The following CFAP57 variants were observed in gnomAD, a reference collection of about 807,000 sequenced individuals.
The protein encoded by CFAP57 is cilia and flagella associated protein 57, also known as cilia- and flagella-associated protein 57.
In CFAP57, 116 loss-of-function variants were observed where a neutral mutation model predicts 146.8. The ratio of observed to expected loss-of-function variants is 0.79; its 90% CI spans 0.68 to 0.92. The LOEUF is 0.92. Ranked by LOEUF, CFAP57 falls within the 40% of genes least tolerant of loss-of-function variation. CFAP57 has a pLI of 0.00. For missense variants in CFAP57, 1,377 were observed against 1,527.2 expected (o/e 0.90, Z 1.64); for synonymous variants, 518 against 552.8 (o/e 0.94, Z 0.88).
At chr1:43,245,326 C>CAAAA (rs66511657) in intron 22 of CFAP57, among the ~76,000 whole-genome samples, 1 of 142,168 alleles carries the variant, frequency 7.0e-6, no homozygotes, top group Non-Finnish European at 1.5e-5. Flanking sequence ...GACCCTGTCT[C>CAAAA]AAAAAAAAAA....
chr1:43,238,839 G>C lies in CFAP57; in HGVS notation c.3405+4201G>C, dbSNP rs901798097. On this transcript the variant is annotated intron_variant, in intron 21 of 22. Transcript: ENST00000372492. The surrounding 1 kb of genome is among the most constrained non-coding windows in gnomAD (Gnocchi z 4.3). ...GCTCTCTGGATGGAGGCACGACAGG[G>C]TTCAGACACCAGCTCTACCACTGAG... 6.6e-6 allele frequency among the ~76,000 whole-genome samples: 1 copy of C among 152,040 alleles called. No homozygotes were observed. The highest frequency in any genetic ancestry group is 1.5e-5 in the Non-Finnish European group (1 of 68,010).
In CFAP57 at chr1:43,250,947, C is replaced by T. The variant is rs114592631; in HGVS notation, c.3539-3030C>T. Among the ~76,000 whole-genome samples the T allele has an allele frequency of 3.1e-3, 479 of 152,332 alleles. 2 individuals are homozygous for T. The highest frequency in any genetic ancestry group is 0.011 in the African/African-American group (468 of 41,566). ...AATTGAGAGGAGCAGATGCTGCTCA[C>T]CTATCTGTGTACAGATGTCAAATTT... On this transcript the variant is annotated intron_variant, in intron 22 of 22. Coordinates refer to ENST00000372492, the MANE Select transcript of CFAP57 (RefSeq NM_001378189.1).
intron 18 of CFAP57, among the ~76,000 whole-genome samples, chr1:43,228,773 T>C (rs1645354863): frequency 6.7e-6 from 1 of 149,186 alleles, no homozygotes; most frequent in South Asian, 2.2e-4. Flanking sequence ...GGATAATTTA[T>C]GGCCAACAGA....
At position 43,213,511 on chromosome 1, in the gene CFAP57, G is replaced by T. The variant is rs949035041; in HGVS notation, c.1930-1744G>T. 1.1e-3 allele frequency among the ~76,000 whole-genome samples: 103 copies of T among 92,304 alleles called. 2 individuals are homozygous for T. The highest frequency in any genetic ancestry group is 3.0e-3 in the African/African-American group (99 of 33,478). 60.6% of individuals were successfully genotyped at this position (92,304 alleles called of 152,430 possible). ...TGGTGGTACAATAAATATGGGGGGG[G>T]CGGTGGAGCGCAGGTATCCTTTCAA... On this transcript the variant is annotated intron_variant, in intron 11 of 22. Transcript: ENST00000372492.
chr1:43,185,047 G>T, intron 4 of CFAP57, 102 bp from the exon 5 acceptor site: 2 of 1,288,744 alleles, frequency 1.6e-6, no homozygotes, highest in Non-Finnish European at 2.2e-6. Context: ...TCATTGGGTG[G>T]TTTCTGTCAC....
At chr1:43,248,511 G>A (rs1646203812) in intron 22 of CFAP57, among the ~76,000 whole-genome samples, 1 of 151,074 alleles carries the variant, frequency 6.6e-6, no homozygotes, top group Non-Finnish European at 1.5e-5. Context: ...TAGTAGAGAT[G>A]GGGTTTCACC....
intron 6 of CFAP57, among the ~76,000 whole-genome samples, chr1:43,192,770 C>CA (rs1643621450): frequency 7.1e-6 from 1 of 140,490 alleles, no homozygotes; most frequent in South Asian, 2.4e-4. Flanking sequence ...ATTAAAAATA[C>CA]AAAAAAATTA....
intron 22 of CFAP57, among the ~76,000 whole-genome samples, chr1:43,247,387 A>G (rs571582278): frequency 6.6e-6 from 1 of 152,190 alleles, no homozygotes. Context: ...CAATATCACC[A>G]TACATCCTGT....
At chr1:43,181,004 C>T (rs1039249861) in intron 2 of CFAP57, among the ~76,000 whole-genome samples, 1 of 152,082 alleles carries the variant, frequency 6.6e-6, no homozygotes. Flanking sequence ...CCCATCTCAC[C>T]TCACCCCCTG....
At chr1:43,183,098 T>C (rs1464576841) in intron 3 of CFAP57, among the ~76,000 whole-genome samples, 2 of 152,226 alleles carry the variant, frequency 1.3e-5, no homozygotes, top group Non-Finnish European at 2.9e-5. Flanking sequence ...TTTCAACTTA[T>C]GGTGTTTTCA....
intron 6 of CFAP57, among the ~76,000 whole-genome samples, chr1:43,195,899 A>G (rs1643848605): frequency 6.6e-6 from 1 of 152,214 alleles, no homozygotes; most frequent in African/African-American, 2.4e-5. Context: ...ATAAAATAAA[A>G]TTTGTCTTAT....
chr1:43,199,459 A>G lies in CFAP57; in HGVS notation c.1498A>G (p.Thr500Ala), dbSNP rs764266565. 3.1e-6 allele frequency: 5 copies of G among 1,614,154 alleles called. No homozygotes were observed. The South Asian group carries it at 4.4e-5, about 14-fold the overall frequency. The change falls in exon 9 of 23, where the codon ACG (threonine) becomes GCG (alanine). Residue 500 changes from threonine to alanine, a missense_variant. Physicochemically the swap from Thr to Ala is moderately conservative, Grantham distance 58. Coordinates refer to ENST00000372492, the MANE Select transcript of CFAP57 (RefSeq NM_001378189.1). The stretch of plus-strand genomic sequence containing the variant: ...AAATGTGATTCACGTTTACACCACC[A>G]CGAGCCTAGAGAACATCTCAAGCCT... ...NGNVIHVYTT[T>A]SLENISSLKG...
At chr1:43,214,335 GTTGA>G (rs1483743791) in intron 11 of CFAP57, among the ~76,000 whole-genome samples, 2 of 152,216 alleles carry the variant, frequency 1.3e-5, no homozygotes. Flanking sequence ...TCTTCAGTCT[GTTGA>G]TTGTTTCCTT....
intron 17 of CFAP57, 51 bp from the exon 18 acceptor site, chr1:43,226,932 G>A (rs1384601661): frequency 1.4e-6 from 2 of 1,445,036 alleles, no homozygotes; most frequent in Non-Finnish European, 1.8e-6. Context: ...AAGGGCTGCA[G>A]TATACCAGGG....
chr1:43,213,888 CTT>C (rs35273028), intron 11 of CFAP57, among the ~76,000 whole-genome samples: 12 of 139,696 alleles, frequency 8.6e-5, no homozygotes, highest in Admixed American at 2.1e-4. Flanking sequence ...CCTTAGCCCA[CTT>C]TTTTTTTTTT....
intron 6 of CFAP57, among the ~76,000 whole-genome samples, chr1:43,187,287 A>G (rs1643191461): frequency 6.6e-6 from 1 of 152,202 alleles, no homozygotes; most frequent in African/African-American, 2.4e-5. Context: ...ACTATTAAAG[A>G]TAGAGATCAT....
chr1:43,182,913 C>T (rs979301822), intron 3 of CFAP57, among the ~76,000 whole-genome samples: 4 of 152,172 alleles, frequency 2.6e-5, no homozygotes, highest in Non-Finnish European at 4.4e-5. Context: ...TTAAAATATT[C>T]GTCTTTACAA....
intron 2 of CFAP57, among the ~76,000 whole-genome samples, chr1:43,178,789 A>G (rs1645268908): frequency 6.6e-6 from 1 of 152,244 alleles, no homozygotes; most frequent in Admixed American, 6.5e-5. Context: ...TACATGGTAT[A>G]TACCCAAAGG....
At chr1:43,195,891 AAAAT>A in intron 6 of CFAP57, among the ~76,000 whole-genome samples, 1 of 152,258 alleles carries the variant, frequency 6.6e-6, no homozygotes, top group Non-Finnish European at 1.5e-5. Flanking sequence ...GGAGCGAAAT[AAAAT>A]AAAATTTGTC....
Sources: allele counts gnomAD v4.1 joint callset (sites outside exome capture counted in the v4.1 genomes callset), GRCh38; gene constraint gnomAD v4.1.1; non-coding constraint Gnocchi (gnomAD v3.1); transcripts MANE v1.5; gene names NCBI Gene and HGNC (gene_info 2026-07-23, HGNC 2026-07-21).